The following ZNF804A variants were observed in gnomAD, a reference collection of about 807,000 sequenced individuals.
The protein encoded by ZNF804A is zinc finger protein 804A.
In ZNF804A, 2 loss-of-function variants were observed where a neutral mutation model predicts 16.5. That is an observed-to-expected ratio of 0.12 (90% CI 0.05 to 0.38). The LOEUF is 0.38. ZNF804A is among the 10% of genes least tolerant of loss of function. The pLI is 0.99. For synonymous variants in ZNF804A, 534 were observed against 489.6 expected (o/e 1.09, Z -1.20); for missense variants, 1,473 against 1,390.7 (o/e 1.06, Z -0.94).
chr2:184,939,043 A>T lies in ZNF804A; in HGVS notation c.*17A>T, dbSNP rs1685852525. On this transcript the variant is annotated 3_prime_UTR_variant, in exon 4 of 4. Coordinates refer to ENST00000302277, the MANE Select transcript of ZNF804A (RefSeq NM_194250.2). Reference sequence around the variant, plus strand: ...CTCTTCTAGTCATCACCATAATGGGAAAAAAATACTCTTGTGAAAACTATT... The same window carrying T: ...CTCTTCTAGTCATCACCATAATGGGTAAAAAATACTCTTGTGAAAACTATT... 6.2e-7 allele frequency: 1 copy of T among 1,605,144 alleles called. No homozygotes were observed. Among genetic ancestry groups the T allele is most frequent in the African/African-American group, 1.3e-5 (1 of 74,748 alleles).
chr2:184,870,286 G>A (rs2105813010), intron 2 of ZNF804A, among the ~76,000 whole-genome samples: 1 of 152,112 alleles, frequency 6.6e-6, no homozygotes, highest in African/African-American at 2.4e-5. Context: ...GGAAAATGAT[G>A]AATATGACAC....
intron 1 of ZNF804A, among the ~76,000 whole-genome samples, chr2:184,782,996 C>A (rs1161848172): frequency 6.6e-6 from 1 of 150,502 alleles, no homozygotes; most frequent in Admixed American, 6.6e-5. Context: ...ATATTTATCT[C>A]TATTTTTTGT....
intron 1 of ZNF804A, among the ~76,000 whole-genome samples, chr2:184,643,922 A>AACCCATGCATTCGTG (rs1347993616): frequency 1.3e-5 from 2 of 151,750 alleles, no homozygotes; most frequent in African/African-American, 4.8e-5. Flanking sequence ...TCCTATAAAT[A>AACCCATGCATTCGTG]TATACACCTA....
At chr2:184,810,846 T>C (rs776068313) in intron 1 of ZNF804A, among the ~76,000 whole-genome samples, 2 of 152,164 alleles carry the variant, frequency 1.3e-5, no homozygotes, top group Admixed American at 6.5e-5. Context: ...TTCTATTATA[T>C]GGATTTCCAC....
chr2:184,666,944 T>A (rs1212314981), intron 1 of ZNF804A, among the ~76,000 whole-genome samples: 1 of 152,052 alleles, frequency 6.6e-6, no homozygotes, highest in Non-Finnish European at 1.5e-5. Context: ...AACATAGTTT[T>A]TGTTAATTAC....
intron 1 of ZNF804A, among the ~76,000 whole-genome samples, chr2:184,820,688 C>G (rs1214450500): frequency 6.6e-6 from 1 of 152,042 alleles, no homozygotes; most frequent in African/African-American, 2.4e-5. Flanking sequence ...AGCCCAGAAG[C>G]TTCTTAAGCC....
chr2:184,884,721 T>G (rs1043968400), intron 2 of ZNF804A, among the ~76,000 whole-genome samples: 1 of 151,962 alleles, frequency 6.6e-6, no homozygotes, highest in Non-Finnish European at 1.5e-5. Flanking sequence ...CTTAAATGTA[T>G]AACCTAAAGA....
At position 184,937,742 on chromosome 2, in the gene ZNF804A, T is replaced by G. The variant is rs757770724; in HGVS notation, c.2346T>G (p.Asp782Glu). Reference protein sequence around the residue: ...RRQHSHSYSSDESLNRQNHLP... With the variant: ...RRQHSHSYSSEESLNRQNHLP... ...AACATTCACATTCTTATTCTTCAGA[T>G]GAAAGTTTAAATCGACAGAATCATT... Residue 782 changes from aspartate to glutamate, a missense_variant, in exon 4 of 4, where the codon GAT (aspartate) becomes GAG (glutamate). Coordinates refer to ENST00000302277, the MANE Select transcript of ZNF804A (RefSeq NM_194250.2). The G allele has an allele frequency of 6.2e-7, 1 of 1,613,924 alleles. No homozygotes were observed. The highest frequency in any genetic ancestry group is 1.7e-5 in the Admixed American group (1 of 59,960).
intron 1 of ZNF804A, among the ~76,000 whole-genome samples, chr2:184,774,010 T>C (rs1694253993): frequency 6.6e-6 from 1 of 151,838 alleles, no homozygotes; most frequent in Non-Finnish European, 1.5e-5. Context: ...TCAGTAAAAA[T>C]TAGAAAAATA....
rs894677555 is a variant in ZNF804A at position 184,938,262 on chromosome 2, A to G, written c.2866A>G (p.Asn956Asp). Reference sequence around the variant, plus strand: ...AAAGCAAATTCCTTTTCAGGTGCCTAATATTGAAAGGAACTTTAGACAGTC... The same window carrying G: ...AAAGCAAATTCCTTTTCAGGTGCCTGATATTGAAAGGAACTTTAGACAGTC... ...NEKQIPFQVP[N>D]IERNFRQSQP... is the part of the protein sequence containing the mutation. The change falls in exon 4 of 4, where the codon AAT (asparagine) becomes GAT (aspartate). Residue 956 changes from asparagine (N) to aspartate (D), a missense_variant. Coordinates refer to ENST00000302277, the MANE Select transcript of ZNF804A (RefSeq NM_194250.2). The G allele has an allele frequency of 1.2e-6, 2 of 1,614,084 alleles. No homozygotes were observed. Among genetic ancestry groups the G allele is most frequent in the South Asian group, 1.1e-5 (1 of 91,082 alleles).
chr2:184,603,692 AG>A (rs1474341858), intron 1 of ZNF804A, among the ~76,000 whole-genome samples: 1 of 152,204 alleles, frequency 6.6e-6, no homozygotes, highest in African/African-American at 2.4e-5. Flanking sequence ...CTCAGGGGTG[AG>A]GGTGGATTAG....
chr2:184,611,452 T>C (rs1211922406), intron 1 of ZNF804A, among the ~76,000 whole-genome samples: 1 of 152,098 alleles, frequency 6.6e-6, no homozygotes, highest in Non-Finnish European at 1.5e-5. Flanking sequence ...TAGCCCTAAA[T>C]ATTTATGAAG....
rs571121824 is a variant in ZNF804A at position 184,695,040 on chromosome 2, G to C, written c.111+95970G>C. Among the ~76,000 whole-genome samples the C allele has an allele frequency of 1.0e-3, 153 of 152,314 alleles. 3 individuals carry two copies. The South Asian group carries it at 0.02, about 20-fold the overall frequency. The stretch of plus-strand genomic sequence containing the variant: ...TGAGATTGAGTGGGGAAATAACCTG[G>C]ATGGGCGAAACTCCTGTTCATGCAT... On this transcript the variant is annotated intron_variant, in intron 1 of 3. Coordinates refer to ENST00000302277, the MANE Select transcript of ZNF804A (RefSeq NM_194250.2).
intron 1 of ZNF804A, among the ~76,000 whole-genome samples, chr2:184,638,944 G>A (rs1691746786): frequency 1.3e-5 from 2 of 151,784 alleles, no homozygotes; most frequent in Admixed American, 6.6e-5. Context: ...CCACTTTAAA[G>A]TCACAGTTTA....
chr2:184,856,506 A>AT, intron 1 of ZNF804A, among the ~76,000 whole-genome samples: 1 of 152,006 alleles, frequency 6.6e-6, no homozygotes, highest in Non-Finnish European at 1.5e-5. Context: ...TGAACACATT[A>AT]TTTTTTCACT....
intron 2 of ZNF804A, among the ~76,000 whole-genome samples, chr2:184,926,284 ATTT>A (rs35842377): frequency 0.15 from 22,762 of 150,098 alleles, 2,172 homozygotes; most frequent in South Asian, 0.23. Context: ...TCTAGGGTAA[ATTT>A]TTTTTTTTTT....
intron 1 of ZNF804A, among the ~76,000 whole-genome samples, chr2:184,775,625 C>T (rs549445932): frequency 1.3e-5 from 2 of 151,742 alleles, no homozygotes; most frequent in South Asian, 4.1e-4. Context: ...TGTTAGTAAA[C>T]AACAAATTGT....
chr2:184,653,722 C>T (rs183953872), intron 1 of ZNF804A, among the ~76,000 whole-genome samples: 28 of 152,300 alleles, frequency 1.8e-4, no homozygotes, highest in Admixed American at 1.6e-3. Context: ...AGTGCATTTA[C>T]AGGAGTTGTA....
intron 2 of ZNF804A, among the ~76,000 whole-genome samples, chr2:184,868,146 TCA>T (rs1454056203): frequency 6.6e-6 from 1 of 152,038 alleles, no homozygotes; most frequent in Non-Finnish European, 1.5e-5. Flanking sequence ...TTGACAATGC[TCA>T]GAGTGATCAA....
Sources: gnomAD v4.1 joint callset for allele counts (sites outside exome capture counted in the v4.1 genomes callset) on GRCh38, gnomAD v4.1.1 for gene constraint, MANE v1.5 for transcripts, NCBI Gene and HGNC (gene_info 2026-07-23, HGNC 2026-07-21) for gene names.